SKAP1: variants seen among roughly 807,000 people sequenced by gnomAD.
SKAP1 encodes the protein src kinase-associated phosphoprotein 1.
SKAP1 carries 44 observed loss-of-function variants against 58.5 expected under a neutral mutation model. That is an observed-to-expected ratio of 0.75 (90% CI 0.59 to 0.97). The LOEUF (loss-of-function observed/expected upper bound fraction) is 0.97. SKAP1 is among the 50% of genes least tolerant of loss of function. SKAP1 has a pLI of 0.00. For missense variants in SKAP1, 390 were observed against 435.2 expected, an observed-to-expected ratio of 0.90 and a Z score of 0.92; for synonymous variants, 127 against 149.7, an observed-to-expected ratio of 0.85 and a Z score of 1.11.
chr17:48,190,180 C>T (rs2064520775), intron 4 of SKAP1, among the ~76,000 whole-genome samples: 1 of 150,040 alleles, frequency 6.7e-6, no homozygotes, highest in Non-Finnish European at 1.5e-5. Context: ...GATCTTGGCT[C>T]ACTGCAAGCT....
At chr17:48,235,844 C>G (rs1372641361) in intron 4 of SKAP1, among the ~76,000 whole-genome samples, 1 of 152,142 alleles carries the variant, frequency 6.6e-6, no homozygotes, top group African/African-American at 2.4e-5. Flanking sequence ...TCATCAGGAG[C>G]CTATAGTCAA....
At chr17:48,323,992 C>T (rs2066400339) in intron 4 of SKAP1, among the ~76,000 whole-genome samples, 2 of 152,212 alleles carry the variant, frequency 1.3e-5, no homozygotes, top group Middle Eastern at 3.4e-3. Flanking sequence ...GTATTCTGAG[C>T]TGTTAACACT....
chr17:48,144,238 AT>A (rs2063802264), intron 11 of SKAP1, among the ~76,000 whole-genome samples: 2 of 152,190 alleles, frequency 1.3e-5, no homozygotes, highest in African/African-American at 4.8e-5. Context: ...TCCAGATTTC[AT>A]CCCTTGGCTG....
chr17:48,351,993 A>G (rs150497557), intron 3 of SKAP1, among the ~76,000 whole-genome samples: 1 of 151,520 alleles, frequency 6.6e-6, no homozygotes, highest in Non-Finnish European at 1.5e-5. Flanking sequence ...TTTGTAATGC[A>G]GTTTTTAATT....
At chr17:48,180,583 C>T (rs1264898706) in intron 8 of SKAP1, among the ~76,000 whole-genome samples, 15 of 152,134 alleles carry the variant, frequency 9.9e-5, no homozygotes, top group Admixed American at 9.2e-4. Context: ...AGCCAGTGTG[C>T]TGTACACAGC....
intron 11 of SKAP1, among the ~76,000 whole-genome samples, chr17:48,146,010 A>G (rs922881040): frequency 6.6e-6 from 1 of 152,142 alleles, no homozygotes; most frequent in South Asian, 2.1e-4. Context: ...ATGTGTACGT[A>G]GGCCTCGTCT....
chr17:48,351,852 G>A (rs1407614251), intron 3 of SKAP1, among the ~76,000 whole-genome samples: 2 of 152,088 alleles, frequency 1.3e-5, no homozygotes, highest in East Asian at 1.9e-4. Context: ...TCCAACAACC[G>A]AAAGGGCAGC....
chr17:48,172,952 G>A (rs1402970768), intron 9 of SKAP1, among the ~76,000 whole-genome samples: 1 of 152,150 alleles, frequency 6.6e-6, no homozygotes, highest in Non-Finnish European at 1.5e-5. Flanking sequence ...GAGATGGGAG[G>A]ATCACTTGAG....
chr17:48,246,729 G>T (rs1191511305), intron 4 of SKAP1, among the ~76,000 whole-genome samples: 1 of 152,124 alleles, frequency 6.6e-6, no homozygotes, highest in Non-Finnish European at 1.5e-5. Flanking sequence ...AATCCTGCTG[G>T]TCTTTTTCAT....
intron 12 of SKAP1, among the ~76,000 whole-genome samples, chr17:48,134,108 GT>G (rs2063670893): frequency 6.6e-6 from 1 of 152,012 alleles, no homozygotes; most frequent in Admixed American, 6.6e-5. Context: ...ATTCCACACA[GT>G]TTCCCTTTCT....
chr17:48,143,572 C>G (rs2063794244), intron 11 of SKAP1, among the ~76,000 whole-genome samples: 2 of 152,104 alleles, frequency 1.3e-5, no homozygotes, highest in Non-Finnish European at 1.5e-5. Flanking sequence ...GAAATTAGGG[C>G]AGTTTCTGAC....
chr17:48,189,470 T>C lies in SKAP1; in HGVS notation c.311A>G (p.Glu104Gly), dbSNP rs1567812577. Reference sequence around the variant, plus strand: ...TCCTTGCTTGATTACGTTATCAAGTTCTTGAGCTCCTTTTACGATGTCTTC... The same window carrying C: ...TCCTTGCTTGATTACGTTATCAAGTCCTTGAGCTCCTTTTACGATGTCTTC... ...GMEDIVKGAQ[E>G]LDNVIKQGYL... is the part of the protein sequence containing the mutation. Residue 104 changes from glutamate (E) to glycine (G), a missense_variant, in exon 5 of 13, where the codon GAA (glutamate) becomes GGA (glycine). Coordinates refer to ENST00000336915, the MANE Select transcript of SKAP1 (RefSeq NM_003726.4). 6.2e-7 allele frequency: 1 copy of C among 1,613,668 alleles called. No individual in the cohort carries two copies. Among genetic ancestry groups the C allele is most frequent in the Non-Finnish European group, 8.5e-7 (1 of 1,179,912 alleles).
At chr17:48,301,123 C>G (rs1329511832) in intron 4 of SKAP1, among the ~76,000 whole-genome samples, 8 of 152,166 alleles carry the variant, frequency 5.3e-5, no homozygotes, top group Non-Finnish European at 1.2e-4. Context: ...CCTCTCTCCT[C>G]CTACCATTTA....
intron 4 of SKAP1, among the ~76,000 whole-genome samples, chr17:48,293,693 TTTTC>T (rs2065926942): frequency 6.6e-6 from 1 of 152,240 alleles, no homozygotes; most frequent in East Asian, 1.9e-4. Context: ...GATTCTATGC[TTTTC>T]TTTTTGTTAA....
chr17:48,184,198 AATTATT>A (rs1340618157), intron 7 of SKAP1, among the ~76,000 whole-genome samples: 1 of 152,230 alleles, frequency 6.6e-6, no homozygotes, highest in African/African-American at 2.4e-5. Context: ...CTAGTCCTTC[AATTATT>A]ATTGTTACTA....
At chr17:48,150,201 A>G (rs1344327726) in intron 11 of SKAP1, among the ~76,000 whole-genome samples, 1 of 152,234 alleles carries the variant, frequency 6.6e-6, no homozygotes, top group Non-Finnish European at 1.5e-5. Flanking sequence ...TTATCCAAAT[A>G]TCTTTATACA....
intron 4 of SKAP1, among the ~76,000 whole-genome samples, chr17:48,331,669 A>G (rs963827062): frequency 3.9e-5 from 6 of 152,100 alleles, no homozygotes; most frequent in Admixed American, 6.6e-5. Context: ...ATTGTACTCC[A>G]GCCTGGTAAA....
intron 4 of SKAP1, among the ~76,000 whole-genome samples, chr17:48,287,098 AAAAT>A (rs57589895): frequency 1.9e-3 from 281 of 146,992 alleles, no homozygotes; most frequent in African/African-American, 4.9e-3. Flanking sequence ...CTCCGTCTCA[AAAAT>A]AAATAAATAA....
At chr17:48,141,296 C>T (rs1486543625) in intron 11 of SKAP1, among the ~76,000 whole-genome samples, 1 of 152,148 alleles carries the variant, frequency 6.6e-6, no homozygotes, top group Admixed American at 6.6e-5. Context: ...GCCAGACTCG[C>T]TCCCTACAGT....
Sources: gnomAD v4.1 joint callset for allele counts (sites outside exome capture counted in the v4.1 genomes callset) on GRCh38, gnomAD v4.1.1 for gene constraint, MANE v1.5 for transcripts, NCBI Gene and HGNC (gene_info 2026-07-23, HGNC 2026-07-21) for gene names.